CTNNA1: variants seen among roughly 807,000 people sequenced by gnomAD.
CTNNA1 encodes the protein catenin alpha-1.
Under a neutral mutation model 98.4 loss-of-function variants are expected in CTNNA1, and 37 were observed. The ratio of observed to expected loss-of-function variants is 0.38; its 90% CI spans 0.29 to 0.49. The LOEUF is 0.49. Ranked by LOEUF, CTNNA1 falls within the 20% of genes least tolerant of loss-of-function variation. The probability of loss-of-function intolerance (pLI) is 0.95; values close to 1 mark genes in which losing one functional copy is unlikely to be tolerated. For missense variants in CTNNA1, 761 were observed against 1,147.2 expected, an observed-to-expected ratio of 0.66 and a Z score of 4.86; for synonymous variants, 404 against 413.2, an observed-to-expected ratio of 0.98 and a Z score of 0.27.
chr5:138,907,563 C>G (rs1759541256), intron 10 of CTNNA1, among the ~76,000 whole-genome samples: 2 of 152,142 alleles, frequency 1.3e-5, no homozygotes, highest in Admixed American at 1.3e-4. Flanking sequence ...TCTGCCTCCT[C>G]TCTTGTGGGC....
chr5:138,821,245 C>A (rs1042861170), intron 5 of CTNNA1, among the ~76,000 whole-genome samples: 11 of 152,210 alleles, frequency 7.2e-5, no homozygotes, highest in African/African-American at 2.7e-4. Context: ...TTGGCATCAA[C>A]CTTAGATCCT....
intron 7 of CTNNA1, among the ~76,000 whole-genome samples, chr5:138,839,699 A>G (rs1394714179): frequency 1.3e-5 from 2 of 152,162 alleles, no homozygotes; most frequent in Non-Finnish European, 1.5e-5. Context: ...TTGCCACTCC[A>G]TGTGTTCTGC....
intron 7 of CTNNA1, among the ~76,000 whole-genome samples, chr5:138,839,202 A>T (rs1762059650): frequency 6.6e-6 from 1 of 152,086 alleles, no homozygotes; most frequent in Non-Finnish European, 1.5e-5. Flanking sequence ...GCACTTGACA[A>T]ATAATATGTA....
intron 7 of CTNNA1, among the ~76,000 whole-genome samples, chr5:138,878,374 A>G (rs148426853): frequency 2.0e-5 from 3 of 152,336 alleles, no homozygotes; most frequent in African/African-American, 4.8e-5. Flanking sequence ...AAAGGGCTAC[A>G]TATCTATTTT....
At chr5:138,758,869 G>A (rs376816492) in intron 1 of CTNNA1, among the ~76,000 whole-genome samples, 12 of 150,970 alleles carry the variant, frequency 7.9e-5, no homozygotes, top group African/African-American at 2.7e-4. Flanking sequence ...GTGCAATGGC[G>A]TGATCTTGGC....
Position 138,860,822 on chromosome 5 carries a change from A to G in CTNNA1, c.1063-25390A>G, listed in dbSNP as rs141892962. Reference sequence around the variant, plus strand: ...TTTTTGGAAGTTGACAGCAAGTGTCAGAGAACAGTTTTGCACACACTGGCT... The same window carrying G: ...TTTTTGGAAGTTGACAGCAAGTGTCGGAGAACAGTTTTGCACACACTGGCT... On this transcript the variant is annotated intron_variant, in intron 7 of 17. Transcript: ENST00000302763. Among the ~76,000 whole-genome samples the G allele has an allele frequency of 1.2e-4, 19 of 152,304 alleles. No homozygotes were observed. In the East Asian group the frequency reaches 2.5e-3, roughly 20 times the overall value.
chr5:138,813,965 C>T (rs914270132), intron 5 of CTNNA1, among the ~76,000 whole-genome samples: 5 of 152,094 alleles, frequency 3.3e-5, no homozygotes, highest in African/African-American at 9.7e-5. Flanking sequence ...CTGGGGGCTT[C>T]TTAGTCATTT....
At chr5:138,811,511 A>G (rs7736663) in intron 4 of CTNNA1, among the ~76,000 whole-genome samples, 97,603 of 134,262 alleles carry the variant, frequency 0.73, 35,858 homozygotes, top group East Asian at 0.99. Context: ...CTTCCCAGAC[A>G]GGGTGGCGGC....
chr5:138,924,472 A>G, intron 11 of CTNNA1, 38 bp from the exon 12 acceptor site: 1 of 1,605,954 alleles, frequency 6.2e-7, no homozygotes, highest in Non-Finnish European at 8.5e-7. Context: ...TTTCATAGAA[A>G]GCCTCCTTCC....
chr5:138,863,528 GAGCCACTGCACCT>G, intron 7 of CTNNA1, among the ~76,000 whole-genome samples: 1 of 152,326 alleles, frequency 6.6e-6, no homozygotes, highest in Middle Eastern at 3.4e-3. Flanking sequence ...TTCCAGGTGT[GAGCCACTGCACCT>G]AGCTGCTTTA....
intron 3 of CTNNA1, among the ~76,000 whole-genome samples, chr5:138,803,695 A>T (rs1400482523): frequency 6.6e-6 from 1 of 152,180 alleles, no homozygotes; most frequent in African/African-American, 2.4e-5. Context: ...ACTGTCTTCA[A>T]ATCAAATGGT....
chr5:138,759,637 A>G (rs1008934670), intron 1 of CTNNA1, among the ~76,000 whole-genome samples: 6 of 152,286 alleles, frequency 3.9e-5, no homozygotes, highest in South Asian at 2.1e-4. Context: ...GCAATCAGCA[A>G]TTAGAATACG....
At chr5:138,811,286 G>A (rs1408211681) in intron 4 of CTNNA1, among the ~76,000 whole-genome samples, 5 of 140,230 alleles carry the variant, frequency 3.6e-5, no homozygotes, top group African/African-American at 1.1e-4. Context: ...ACGGGGCGGC[G>A]GGGCAGAGGC....
At chr5:138,832,891 G>C (rs1261571604) in intron 7 of CTNNA1, among the ~76,000 whole-genome samples, 1 of 152,200 alleles carries the variant, frequency 6.6e-6, no homozygotes, top group African/African-American at 2.4e-5. Flanking sequence ...AGTTATTTCA[G>C]TGCTACTGAG....
At chr5:138,883,919 A>G (rs1357022284) in intron 7 of CTNNA1, among the ~76,000 whole-genome samples, 2 of 152,264 alleles carry the variant, frequency 1.3e-5, no homozygotes, top group Non-Finnish European at 1.5e-5. Flanking sequence ...TAAGATTGCC[A>G]GTAAATAATT....
At chr5:138,931,867 A>C (rs935859166) in intron 16 of CTNNA1, 97 of 985,358 alleles carry the variant, frequency 9.8e-5, no homozygotes, top group Non-Finnish European at 1.1e-4. Flanking sequence ...GCCTCACTGG[A>C]AGAAAATGTT....
chr5:138,831,302 G>T (rs1208797086), intron 7 of CTNNA1, among the ~76,000 whole-genome samples: 1 of 152,208 alleles, frequency 6.6e-6, no homozygotes, highest in Non-Finnish European at 1.5e-5. Context: ...GTGTACCCCA[G>T]ACCAATTAAG....
At chr5:138,870,246 T>C (rs1386988086) in intron 7 of CTNNA1, 1 of 152,222 alleles carries the variant, frequency 6.6e-6, no homozygotes, top group Non-Finnish European at 1.5e-5. Flanking sequence ...CACAGATGAC[T>C]AACAGTCTAA....
At chr5:138,799,012 A>G (rs1757260883) in intron 3 of CTNNA1, among the ~76,000 whole-genome samples, 1 of 151,670 alleles carries the variant, frequency 6.6e-6, no homozygotes, top group Admixed American at 6.6e-5. Context: ...ATTTTTTTTG[A>G]GATGGAGTCT....
Sources: gnomAD v4.1 joint callset for allele counts (sites outside exome capture counted in the v4.1 genomes callset) on GRCh38, gnomAD v4.1.1 for gene constraint, MANE v1.5 for transcripts, NCBI Gene and HGNC (gene_info 2026-07-23, HGNC 2026-07-21) for gene names.